The following ERC2 variants were observed in gnomAD, a reference collection of about 807,000 sequenced individuals.
The protein encoded by ERC2 is ELKS/RAB6-interacting/CAST family member 2, also known as ERC protein 2.
Under a neutral mutation model 114.8 loss-of-function variants are expected in ERC2, and 42 were observed. That is an observed-to-expected ratio of 0.37 (90% CI 0.29 to 0.47). ERC2 has a LOEUF of 0.47. ERC2 is among the 20% of genes least tolerant of loss of function. The pLI, the probability that ERC2 is intolerant of heterozygous loss-of-function variation, is 0.99. For missense variants in ERC2, 939 were observed against 1,150.7 expected (o/e 0.82, Z 2.66); for synonymous variants, 454 against 425.5 (o/e 1.07, Z -0.82).
intron 17 of ERC2, among the ~76,000 whole-genome samples, chr3:55,608,491 T>C (rs1004265549): frequency 4.6e-5 from 7 of 152,220 alleles, no homozygotes; most frequent in African/African-American, 1.7e-4. Context: ...AAGAGGTCTT[T>C]AAGGAAGCCC....
At chr3:55,520,363 G>A (rs888713615) in intron 17 of ERC2, among the ~76,000 whole-genome samples, 2 of 151,120 alleles carry the variant, frequency 1.3e-5, no homozygotes, top group South Asian at 4.2e-4. Flanking sequence ...TTGAACCCAG[G>A]AGGCCGAGGT....
intron 7 of ERC2, among the ~76,000 whole-genome samples, chr3:56,057,959 C>A (rs1174153453): frequency 6.6e-6 from 1 of 152,136 alleles, no homozygotes; most frequent in Admixed American, 6.5e-5. Context: ...AATAACATTA[C>A]ATAATGTTCC....
chr3:56,126,631 A>G (rs898409585), intron 6 of ERC2, among the ~76,000 whole-genome samples: 5 of 151,852 alleles, frequency 3.3e-5, no homozygotes, highest in Non-Finnish European at 7.4e-5. Flanking sequence ...GGTGGTATGT[A>G]GTAGTCCCAG....
intron 11 of ERC2, among the ~76,000 whole-genome samples, chr3:55,987,687 T>C (rs544419477): frequency 7.2e-5 from 11 of 152,346 alleles, no homozygotes; most frequent in African/African-American, 2.6e-4. Context: ...GGAAATTATG[T>C]TAGTACATTA....
intron 7 of ERC2, among the ~76,000 whole-genome samples, chr3:56,045,906 C>T (rs1372129878): frequency 6.6e-6 from 1 of 151,980 alleles, no homozygotes; most frequent in Non-Finnish European, 1.5e-5. Context: ...CACACACCTG[C>T]AAAAAATATA....
At chr3:56,415,910 GC>G (rs1043672318) in intron 2 of ERC2, among the ~76,000 whole-genome samples, 3 of 152,274 alleles carry the variant, frequency 2.0e-5, no homozygotes, top group Non-Finnish European at 4.4e-5. Flanking sequence ...CTGGCCCCAT[GC>G]CCTCATCAAA....
chr3:56,408,780 G>A (rs1332182700), intron 2 of ERC2, among the ~76,000 whole-genome samples: 2 of 152,354 alleles, frequency 1.3e-5, no homozygotes, highest in South Asian at 2.1e-4. Context: ...AGGGCTCCCC[G>A]AGTGGGTGCC....
intron 17 of ERC2, chr3:55,657,680 C>T (rs749382441): frequency 1.3e-5 from 2 of 152,124 alleles, no homozygotes; most frequent in Non-Finnish European, 2.9e-5. Flanking sequence ...GGCTGGCCTT[C>T]AACTCCTAGG....
intron 3 of ERC2, among the ~76,000 whole-genome samples, chr3:56,271,053 T>C (rs1285422966): frequency 6.6e-6 from 1 of 152,182 alleles, no homozygotes; most frequent in Non-Finnish European, 1.5e-5. Flanking sequence ...CTTTACGTTG[T>C]GAAAAACTTA....
chr3:56,051,692 G>C (rs189672525), intron 7 of ERC2, among the ~76,000 whole-genome samples: 3 of 151,926 alleles, frequency 2.0e-5, no homozygotes, highest in Non-Finnish European at 2.9e-5. Flanking sequence ...CGGGTATGGT[G>C]GTGTGTGCCT....
At chr3:55,589,751 T>A (rs765994568) in intron 17 of ERC2, among the ~76,000 whole-genome samples, 1 of 151,948 alleles carries the variant, frequency 6.6e-6, no homozygotes, top group Non-Finnish European at 1.5e-5. Flanking sequence ...GGGCTCATGA[T>A]TCTCAGGTCA....
chr3:56,147,155 T>C (rs2081184998), intron 5 of ERC2, among the ~76,000 whole-genome samples: 1 of 152,260 alleles, frequency 6.6e-6, no homozygotes, highest in Non-Finnish European at 1.5e-5. Context: ...CACTCATATC[T>C]GTGCCTCTGG....
At chr3:55,786,578 C>T (rs923897259) in intron 14 of ERC2, among the ~76,000 whole-genome samples, 2 of 152,192 alleles carry the variant, frequency 1.3e-5, no homozygotes, top group South Asian at 2.1e-4. Context: ...GTTCATTTCA[C>T]CTTCCCAATA....
chr3:56,443,158 C>T (rs1236884306), intron 1 of ERC2, among the ~76,000 whole-genome samples: 5 of 152,198 alleles, frequency 3.3e-5, no homozygotes, highest in Admixed American at 1.3e-4. Context: ...AAAAGGAATA[C>T]AAGTCAGCCA....
chr3:55,563,734 G>C (rs979723375), intron 17 of ERC2, among the ~76,000 whole-genome samples: 2 of 152,338 alleles, frequency 1.3e-5, no homozygotes, highest in African/African-American at 4.8e-5. Context: ...GCAGAGAAGA[G>C]AGATGAATGC....
chr3:56,158,404 T>C (rs2081858514), intron 4 of ERC2, among the ~76,000 whole-genome samples: 1 of 152,226 alleles, frequency 6.6e-6, no homozygotes. Flanking sequence ...TAAGACTCTC[T>C]CTGCCTAAAA....
chr3:56,138,548 T>G (rs1257980663), intron 6 of ERC2, among the ~76,000 whole-genome samples: 1 of 152,122 alleles, frequency 6.6e-6, no homozygotes, highest in Non-Finnish European at 1.5e-5. Flanking sequence ...TCGTGCACCT[T>G]GACTGAAAGC....
At chr3:55,835,692 C>T (rs2060844054) in intron 14 of ERC2, among the ~76,000 whole-genome samples, 1 of 152,142 alleles carries the variant, frequency 6.6e-6, no homozygotes. Context: ...AAAACTGGCA[C>T]AAGACAGGGA....
intron 2 of ERC2, among the ~76,000 whole-genome samples, chr3:56,372,306 C>T (rs1008572529): frequency 6.6e-6 from 1 of 152,220 alleles, no homozygotes; most frequent in East Asian, 1.9e-4. Flanking sequence ...AATGAACTCT[C>T]ACTATATTCC....
Sources: gnomAD v4.1 joint callset for allele counts (sites outside exome capture counted in the v4.1 genomes callset) on GRCh38, gnomAD v4.1.1 for gene constraint, MANE v1.5 for transcripts, NCBI Gene and HGNC (gene_info 2026-07-23, HGNC 2026-07-21) for gene names.